CDH12: variants seen among roughly 807,000 people sequenced by gnomAD.
The protein encoded by CDH12 is cadherin-12.
In CDH12, 41 loss-of-function variants were observed where a neutral mutation model predicts 74.1. The observed-to-expected ratio is 0.55, with a 90% CI of 0.43 to 0.72. CDH12 has a LOEUF of 0.72. Ranked by LOEUF, CDH12 falls within the 30% of genes least tolerant of loss-of-function variation. The pLI is 0.00. For synonymous variants in CDH12, 399 were observed against 355.0 expected (o/e 1.12, Z -1.39); for missense variants, 945 against 977.2 (o/e 0.97, Z 0.44).
chr5:22,039,058 C>T (rs115150443), intron 5 of CDH12, among the ~76,000 whole-genome samples: 8 of 152,262 alleles, frequency 5.3e-5, no homozygotes, highest in African/African-American at 1.9e-4. Flanking sequence ...AGCTGCACTC[C>T]ACATGGTGGT....
intron 1 of CDH12, among the ~76,000 whole-genome samples, chr5:22,647,798 T>A (rs1387532307): frequency 6.6e-6 from 1 of 151,884 alleles, no homozygotes; most frequent in Non-Finnish European, 1.5e-5. Context: ...TTACAATATT[T>A]ATTTTTGAAC....
chr5:22,548,697 C>A (rs1394240053), intron 1 of CDH12, among the ~76,000 whole-genome samples: 1 of 151,978 alleles, frequency 6.6e-6, no homozygotes, highest in Non-Finnish European at 1.5e-5. Flanking sequence ...TGGGATAGGC[C>A]ATCCTCCGAG....
At chr5:21,766,637 T>C (rs533309473) in intron 11 of CDH12, among the ~76,000 whole-genome samples, 10 of 152,050 alleles carry the variant, frequency 6.6e-5, no homozygotes, top group Admixed American at 6.5e-4. Context: ...GTGGAGGTGA[T>C]CAAGATCTGT....
rs1285875694 is a variant in CDH12, at chr5:21,817,087, G to A, written c.860C>T (p.Ala287Val). ...ATCCACAGCTCTTATTCTTCCAATAGCTGAACCAATAGGGGAAGACTCAGG... is the reference window on the plus strand; with the variant it reads ...ATCCACAGCTCTTATTCTTCCAATAACTGAACCAATAGGGGAAGACTCAGG... ...KVPESSPIGS[A>V]IGRIRAVDPD... Residue 287 changes from alanine (A) to valine (V), a missense_variant, in exon 9 of 15, where the codon GCT becomes GTT. This residue lies in a region of CDH12 where 791 missense variants were observed against 792.8 expected (regional missense o/e 1.00). Coordinates refer to ENST00000382254, the MANE Select transcript of CDH12 (RefSeq NM_004061.5). 1.9e-6 allele frequency: 3 copies of A among 1,612,120 alleles called. No homozygotes were observed. The African/African-American group carries it at 4.0e-5, about 22-fold the overall frequency.
intron 4 of CDH12, among the ~76,000 whole-genome samples, chr5:22,195,539 G>A (rs536311235): frequency 1.4e-4 from 21 of 152,236 alleles, no homozygotes; most frequent in Non-Finnish European, 2.9e-4. Flanking sequence ...AAAGCCAAAG[G>A]AAAAACAATT....
rs70959715 is a variant in CDH12 at position 22,315,119 on chromosome 5, C to CTTTT, written c.-333+90134_-333+90137dup. Reference sequence around the variant, plus strand: ...GGCGCCTGCCACCGTGCCTGCCTGGCTTTTTTTTTTTTTTTTTTTTTTTTA... The same window carrying CTTTT: ...GGCGCCTGCCACCGTGCCTGCCTGGCTTTTTTTTTTTTTTTTTTTTTTTTTTTTA... On this transcript the variant is annotated intron_variant, in intron 3 of 14. Transcript: ENST00000382254. Among the ~76,000 whole-genome samples the CTTTT allele has an allele frequency of 1.5e-3, 35 of 22,996 alleles. 7 individuals are homozygous for CTTTT. The highest frequency in any genetic ancestry group is 6.2e-3 in the African/African-American group (28 of 4,522). The allele number at this position is 22,996 out of a possible 152,430, so 15.1% of individuals were successfully genotyped here.
chr5:22,436,446 A>AT (rs545937949), intron 2 of CDH12, among the ~76,000 whole-genome samples: 184 of 149,908 alleles, frequency 1.2e-3, no homozygotes, highest in East Asian at 5.1e-3. Context: ...TAATAAAAAA[A>AT]ATATATATAT....
chr5:21,832,703 T>A (rs1749092485), intron 8 of CDH12, among the ~76,000 whole-genome samples: 1 of 145,214 alleles, frequency 6.9e-6, no homozygotes, highest in Non-Finnish European at 1.5e-5. Flanking sequence ...TTATTCATTC[T>A]ATTTAATGAG....
intron 1 of CDH12, among the ~76,000 whole-genome samples, chr5:22,548,527 T>A (rs1429544563): frequency 1.3e-5 from 2 of 152,012 alleles, no homozygotes; most frequent in African/African-American, 2.4e-5. Context: ...CCAAATAACA[T>A]GAAAGTTCCC....
At chr5:22,155,344 C>A (rs564390362) in intron 4 of CDH12, among the ~76,000 whole-genome samples, 78 of 152,080 alleles carry the variant, frequency 5.1e-4, no homozygotes, top group Admixed American at 8.5e-4. Flanking sequence ...TTGATTATTC[C>A]ATGTTCAAGG....
chr5:22,173,793 A>G (rs970278941), intron 4 of CDH12, among the ~76,000 whole-genome samples: 1 of 151,834 alleles, frequency 6.6e-6, no homozygotes, highest in African/African-American at 2.4e-5. Flanking sequence ...TGTTACCATA[A>G]TTTTTTGCAA....
At chr5:22,548,146 T>C (rs960088646) in intron 1 of CDH12, among the ~76,000 whole-genome samples, 2 of 152,194 alleles carry the variant, frequency 1.3e-5, no homozygotes, top group African/African-American at 4.8e-5. Context: ...AACCTGTCAA[T>C]ATACTCCCAT....
At chr5:22,166,653 T>C (rs2150324194) in intron 4 of CDH12, among the ~76,000 whole-genome samples, 1 of 152,320 alleles carries the variant, frequency 6.6e-6, no homozygotes, top group Non-Finnish European at 1.5e-5. Flanking sequence ...TATGTACACA[T>C]GCTTTTAAAA....
At chr5:22,648,263 T>C (rs1580849323) in intron 1 of CDH12, among the ~76,000 whole-genome samples, 1 of 152,026 alleles carries the variant, frequency 6.6e-6, no homozygotes, top group Non-Finnish European at 1.5e-5. Context: ...CAGCCACTTT[T>C]TAATCATCCC....
intron 1 of CDH12, among the ~76,000 whole-genome samples, chr5:22,781,099 T>G (rs531601935): frequency 6.6e-4 from 100 of 152,312 alleles, no homozygotes; most frequent in Non-Finnish European, 9.4e-4. Flanking sequence ...TTCAAATCCT[T>G]GAGTTGTTAC....
chr5:21,809,056 T>A (rs1287637387), intron 9 of CDH12, among the ~76,000 whole-genome samples: 1 of 152,038 alleles, frequency 6.6e-6, no homozygotes, highest in East Asian at 1.9e-4. Context: ...CCATTTTATA[T>A]AACTTACCTT....
chr5:22,052,905 A>G (rs1740475481), intron 5 of CDH12, among the ~76,000 whole-genome samples: 1 of 152,116 alleles, frequency 6.6e-6, no homozygotes, highest in African/African-American at 2.4e-5. Flanking sequence ...TTAGGAATAT[A>G]TCATTGTATA....
intron 3 of CDH12, among the ~76,000 whole-genome samples, chr5:22,313,969 TAAAAAA>T (rs1052095281): frequency 6.6e-6 from 1 of 151,484 alleles, no homozygotes; most frequent in African/African-American, 2.4e-5. Context: ...GCTATTGAAA[TAAAAAA>T]AAGAAAAAAG....
intron 1 of CDH12, chr5:22,580,402 A>G: frequency 2.0e-6 from 1 of 496,602 alleles, no homozygotes; most frequent in Admixed American, 2.1e-5. Flanking sequence ...TAGGGTGGGT[A>G]GGGAGCATCC....
Sources: allele counts gnomAD v4.1 joint callset (sites outside exome capture counted in the v4.1 genomes callset), GRCh38; gene constraint gnomAD v4.1.1; regional missense constraint gnomAD v4.1.1; transcripts MANE v1.5; gene names NCBI Gene and HGNC (gene_info 2026-07-23, HGNC 2026-07-21).